The following KIAA1549L variants were observed in gnomAD, a reference collection of about 807,000 sequenced individuals.
The protein encoded by KIAA1549L is UPF0606 protein KIAA1549L.
A neutral mutation model predicts 160.7 loss-of-function variants in KIAA1549L; 88 were observed. That is an observed-to-expected ratio of 0.55 (90% CI 0.46 to 0.65). KIAA1549L has a LOEUF of 0.65. KIAA1549L is among the 30% of genes least tolerant of loss of function. The pLI is 0.00. For missense variants in KIAA1549L, 2,258 were observed against 2,437.5 expected, an observed-to-expected ratio of 0.93 and a Z score of 1.55; for synonymous variants, 950 against 976.7, an observed-to-expected ratio of 0.97 and a Z score of 0.51.
intron 1 of KIAA1549L, among the ~76,000 whole-genome samples, chr11:33,391,211 A>G (rs1038056887): frequency 1.3e-5 from 2 of 152,230 alleles, no homozygotes; most frequent in African/African-American, 4.8e-5. Flanking sequence ...CACTTGTGAC[A>G]TATAATTAAC....
At chr11:33,507,834 T>C (rs1310364125) in intron 1 of KIAA1549L, among the ~76,000 whole-genome samples, 1 of 152,244 alleles carries the variant, frequency 6.6e-6, no homozygotes, top group Admixed American at 6.5e-5. Flanking sequence ...TAGGGTTCGA[T>C]TGCAGACAAT....
intron 1 of KIAA1549L, among the ~76,000 whole-genome samples, chr11:33,431,007 C>T (rs376892463): frequency 5.9e-5 from 9 of 151,952 alleles, no homozygotes; most frequent in East Asian, 1.9e-4. Flanking sequence ...CAGATGTGTT[C>T]GGAGTTTCTT....
intron 1 of KIAA1549L, among the ~76,000 whole-genome samples, chr11:33,407,237 A>G (rs1850683488): frequency 6.6e-6 from 1 of 151,534 alleles, no homozygotes; most frequent in Non-Finnish European, 1.5e-5. Flanking sequence ...GGCGCCTGCC[A>G]CCACGCCCGG....
Position 33,551,092 on chromosome 11 carries a change from A to G in KIAA1549L, c.3554A>G (p.Lys1185Arg). The G allele has an allele frequency of 6.2e-7, 1 of 1,613,996 alleles. No homozygotes were observed. The highest frequency in any genetic ancestry group is 1.1e-5 in the South Asian group (1 of 91,078). The change falls in exon 5 of 21, where the codon AAA (lysine) becomes AGA (arginine). Residue 1185 changes from lysine to arginine, a missense_variant. Physicochemically the swap from Lys to Arg is conservative, Grantham distance 26. Around this residue, in one of 6 missense-constraint regions of KIAA1549L, gnomAD observed 1,359 missense variants for 1,546.6 expected, o/e 0.88. Transcript: ENST00000658780. ...HNVTVGYYAT[K>R]GKLVYLPAVV... The stretch of plus-strand genomic sequence containing the variant: ...GTCACAGTTGGTTATTATGCTACCA[A>G]AGGGAAGTTGGTGTATTTGCCTGCT...
rs1385747486 is a variant in KIAA1549L at position 33,448,186 on chromosome 11, G to A, written c.238+71297G>A. 6.6e-5 allele frequency among the ~76,000 whole-genome samples: 10 copies of A among 152,068 alleles called. No individual in the cohort carries two copies. In the East Asian group the frequency reaches 1.5e-3, roughly 23 times the overall value. On this transcript the variant is annotated intron_variant, in intron 1 of 20. Transcript: ENST00000658780. Reference sequence around the variant, plus strand: ...GGTGATTTGCTGCACCTATTAACCCGTCATCTAGGTTTTAAGCCCCACATG... The same window carrying A: ...GGTGATTTGCTGCACCTATTAACCCATCATCTAGGTTTTAAGCCCCACATG...
rs1052490413 is a variant in KIAA1549L at position 33,671,468 on chromosome 11, T to C, written c.*3314T>C. ...GTAGATTATGTAAGAATCAATTCCCTGGTCCCAGGAGAAGTTTTATTGTGA... is the reference window on the plus strand; with the variant it reads ...GTAGATTATGTAAGAATCAATTCCCCGGTCCCAGGAGAAGTTTTATTGTGA... On this transcript the variant is annotated 3_prime_UTR_variant, in exon 21 of 21. Coordinates refer to ENST00000658780, the MANE Select transcript of KIAA1549L (RefSeq NM_012194.3). The C allele has an allele frequency of 6.6e-6, 1 of 151,692 alleles. No homozygotes were observed. The highest frequency in any genetic ancestry group is 1.5e-5 in the Non-Finnish European group (1 of 67,982). The allele number at this position is 151,692 out of a possible 1,614,324, so 9.4% of individuals were successfully genotyped here.
chr11:33,625,097 T>C (rs1183373627), intron 16 of KIAA1549L, among the ~76,000 whole-genome samples: 1 of 152,028 alleles, frequency 6.6e-6, no homozygotes, highest in East Asian at 1.9e-4. Context: ...CTCATCATTT[T>C]TTATGGCTGC....
At chr11:33,631,575 G>A (rs7125338) in intron 16 of KIAA1549L, among the ~76,000 whole-genome samples, 2,825 of 152,188 alleles carry the variant, frequency 0.019, 107 homozygotes, top group African/African-American at 0.063. Context: ...ACCAAAATAC[G>A]TCTCCAGGCA....
intron 4 of KIAA1549L, among the ~76,000 whole-genome samples, chr11:33,548,521 T>G (rs1278655404): frequency 2.0e-5 from 3 of 152,248 alleles, no homozygotes; most frequent in African/African-American, 7.2e-5. Flanking sequence ...TCTCCATTGC[T>G]TTTCCCCTTA....
chr11:33,522,838 G>T (rs574884978), intron 1 of KIAA1549L, among the ~76,000 whole-genome samples: 2 of 151,672 alleles, frequency 1.3e-5, no homozygotes, highest in Non-Finnish European at 2.9e-5. Flanking sequence ...GTTCAAGGCT[G>T]CAATGAGCTA....
rs187697239 is a variant in KIAA1549L, at chr11:33,580,948, G to T, written c.4403-2390G>T. On this transcript the variant is annotated intron_variant, in intron 10 of 20. Coordinates refer to ENST00000658780, the MANE Select transcript of KIAA1549L (RefSeq NM_012194.3). ...GAGAATCACTGAGGAAGTAACCCTT[G>T]AGTGACCACCTGAAGAAAGGGAGGG... is the stretch of plus-strand genomic sequence containing the variant. Among the ~76,000 whole-genome samples, 566 of 152,308 alleles carry T rather than the reference G, an allele frequency of 3.7e-3. 6 individuals carry two copies. The highest frequency in any genetic ancestry group is 0.013 in the African/African-American group (544 of 41,564).
intron 1 of KIAA1549L, among the ~76,000 whole-genome samples, chr11:33,501,930 G>A (rs1473135480): frequency 1.3e-5 from 2 of 152,166 alleles, no homozygotes; most frequent in Admixed American, 6.5e-5. Flanking sequence ...TCTGGCCTCA[G>A]AGCTTATCTC....
rs756572589 is a variant in KIAA1549L, at chr11:33,602,816, G to A, written c.4880-3825G>A. Among the ~76,000 whole-genome samples, 4 of 152,156 alleles carry A rather than the reference G, an allele frequency of 2.6e-5. No individual in the cohort carries two copies. In the East Asian group the frequency reaches 7.7e-4, roughly 29 times the overall value. On this transcript the variant is annotated intron_variant, in intron 13 of 20. Coordinates refer to ENST00000658780, the MANE Select transcript of KIAA1549L (RefSeq NM_012194.3). ...GTCTTTTAATATATTTGCCTATAAA[G>A]TCTTTTTTAGGGGAAGGATAACTAA... is the stretch of plus-strand genomic sequence containing the variant.
At chr11:33,466,668 C>G (rs1294227963) in intron 1 of KIAA1549L, among the ~76,000 whole-genome samples, 1 of 152,138 alleles carries the variant, frequency 6.6e-6, no homozygotes, top group Non-Finnish European at 1.5e-5. Context: ...CACATGCACA[C>G]ATATGCTTAT....
At chr11:33,538,984 G>A (rs923793493) in intron 1 of KIAA1549L, among the ~76,000 whole-genome samples, 4 of 152,180 alleles carry the variant, frequency 2.6e-5, no homozygotes, top group Admixed American at 6.5e-5. Flanking sequence ...CTAAGGGCAA[G>A]CCTTTCTGTT....
intron 1 of KIAA1549L, among the ~76,000 whole-genome samples, chr11:33,432,112 C>A (rs559708434): frequency 6.6e-6 from 1 of 152,204 alleles, no homozygotes; most frequent in African/African-American, 2.4e-5. Flanking sequence ...TCCCGGTTCC[C>A]GCTCGCACCT....
intron 1 of KIAA1549L, among the ~76,000 whole-genome samples, chr11:33,530,472 T>C (rs1264876955): frequency 9.8e-6 from 1 of 101,586 alleles, no homozygotes; most frequent in Non-Finnish European, 2.0e-5. Context: ...TATATATATA[T>C]ATATATATAT....
chr11:33,466,599 C>G (rs1852063304), intron 1 of KIAA1549L, among the ~76,000 whole-genome samples: 3 of 152,030 alleles, frequency 2.0e-5, no homozygotes, highest in Non-Finnish European at 2.9e-5. Flanking sequence ...ACCATTTGAC[C>G]CAGCAATCCT....
At position 33,606,621 on chromosome 11, in the gene KIAA1549L, G is replaced by T; in HGVS notation, c.4880-20G>T. ...AGCTCCCCAACATCATAAAATCGAT[G>T]TGTTTATGTTGTGCTTCAGTGCCAG... On this transcript the variant is annotated intron_variant, in intron 13 of 20. Transcript: ENST00000658780. 1 of 1,609,698 alleles carries T rather than the reference G, an allele frequency of 6.2e-7. No homozygotes were observed. The highest frequency in any genetic ancestry group is 8.5e-7 in the Non-Finnish European group (1 of 1,177,260).
Sources: allele counts gnomAD v4.1 joint callset (sites outside exome capture counted in the v4.1 genomes callset), GRCh38; gene constraint gnomAD v4.1.1; regional missense constraint gnomAD v4.1.1; transcripts MANE v1.5; gene names NCBI Gene and HGNC (gene_info 2026-07-23, HGNC 2026-07-21).